Variants in CDKAL1 observed in about 807,000 individuals in gnomAD.
CDKAL1 encodes threonylcarbamoyladenosine tRNA methylthiotransferase.
Under a neutral mutation model 68.2 loss-of-function variants are expected in CDKAL1, and 32 were observed. That is an observed-to-expected ratio of 0.47 (90% confidence interval 0.35 to 0.63). CDKAL1 has a LOEUF of 0.63. Ranked by LOEUF, CDKAL1 falls within the 30% of genes least tolerant of loss-of-function variation. CDKAL1 has a pLI of 0.00. For synonymous variants in CDKAL1, 234 were observed against 244.3 expected (o/e 0.96, Z 0.39); for missense variants, 606 against 696.7 (o/e 0.87, Z 1.47).
intron 13 of CDKAL1, among the ~76,000 whole-genome samples, chr6:21,119,542 C>T (rs182127168): frequency 1.2e-3 from 184 of 152,260 alleles, no homozygotes; most frequent in Non-Finnish European, 2.2e-3. Flanking sequence ...AATAGGTTTT[C>T]GCTTCTAAAA....
At chr6:21,027,354 T>C (rs986721804) in intron 11 of CDKAL1, among the ~76,000 whole-genome samples, 2 of 152,208 alleles carry the variant, frequency 1.3e-5, no homozygotes, top group Admixed American at 6.5e-5. Context: ...CTCTCCTCCT[T>C]ATCAGCCCCA....
intron 11 of CDKAL1, among the ~76,000 whole-genome samples, chr6:21,005,728 G>T (rs1327740014): frequency 5.3e-5 from 8 of 152,106 alleles, no homozygotes; most frequent in African/African-American, 1.4e-4. Context: ...GCACTTCAGG[G>T]TTAATTTCCC....
At chr6:21,166,592 C>T (rs1294689661) in intron 13 of CDKAL1, among the ~76,000 whole-genome samples, 2 of 152,142 alleles carry the variant, frequency 1.3e-5, no homozygotes, top group African/African-American at 4.8e-5. Context: ...TGCTAGCCAT[C>T]AACCAATCCA....
intron 9 of CDKAL1, among the ~76,000 whole-genome samples, chr6:20,934,105 G>C (rs1763593380): frequency 6.6e-6 from 1 of 152,106 alleles, no homozygotes; most frequent in Non-Finnish European, 1.5e-5. Context: ...ACAGCTTTGA[G>C]GGCTCAAGAG....
chr6:20,986,462 A>T (rs756953906), intron 10 of CDKAL1, among the ~76,000 whole-genome samples: 1 of 152,150 alleles, frequency 6.6e-6, no homozygotes. Context: ...TAGAGAAAAA[A>T]TGTATATTTT....
chr6:20,744,603 G>A (rs949917190), intron 6 of CDKAL1, among the ~76,000 whole-genome samples: 4 of 152,078 alleles, frequency 2.6e-5, no homozygotes, highest in Non-Finnish European at 1.5e-5. Context: ...CAATTAGTTG[G>A]GAATTTCTCT....
chr6:20,779,022 GA>G (rs1264723315), intron 7 of CDKAL1, among the ~76,000 whole-genome samples: 1 of 152,188 alleles, frequency 6.6e-6, no homozygotes, highest in Non-Finnish European at 1.5e-5. Context: ...ACATTTGGCT[GA>G]TAATCACATG....
chr6:21,162,016 G>A (rs910598581), intron 13 of CDKAL1, among the ~76,000 whole-genome samples: 6 of 152,116 alleles, frequency 3.9e-5, no homozygotes, highest in Admixed American at 3.9e-4. Context: ...TAATACAGAC[G>A]CTGCTTACAT....
chr6:21,090,988 G>T (rs895703744), intron 12 of CDKAL1, among the ~76,000 whole-genome samples: 1 of 151,548 alleles, frequency 6.6e-6, no homozygotes, highest in East Asian at 1.9e-4. Context: ...GTAGAGACAG[G>T]GTCTTACACT....
intron 5 of CDKAL1, among the ~76,000 whole-genome samples, chr6:20,681,022 G>A (rs1230246727): frequency 6.6e-6 from 1 of 152,202 alleles, no homozygotes; most frequent in Non-Finnish European, 1.5e-5. Context: ...ATCAGTATAT[G>A]TGAACAATGA....
intron 10 of CDKAL1, among the ~76,000 whole-genome samples, chr6:20,972,429 G>A: frequency 6.6e-6 from 1 of 152,132 alleles, no homozygotes; most frequent in East Asian, 1.9e-4. Flanking sequence ...TCTTCTTTTA[G>A]ACACTCAGTT....
chr6:20,848,287 T>TTTTTTGTTTGTTTG (rs1554130326), intron 9 of CDKAL1, among the ~76,000 whole-genome samples: 26 of 59,272 alleles, frequency 4.4e-4, no homozygotes, highest in Non-Finnish European at 6.9e-4. Flanking sequence ...TTGTTTTTTT[T>TTTTTTGTTTGTTTG]TTTTTTCCAA....
chr6:20,807,286 C>T (rs140046732), intron 8 of CDKAL1, among the ~76,000 whole-genome samples: 3,652 of 151,962 alleles, frequency 0.024, 62 homozygotes, highest in Non-Finnish European at 0.034. Flanking sequence ...TGCAGTGGCA[C>T]GATCTTGGCT....
At chr6:20,640,063 A>G (rs1409093581) in intron 4 of CDKAL1, among the ~76,000 whole-genome samples, 3 of 152,214 alleles carry the variant, frequency 2.0e-5, no homozygotes, top group Admixed American at 1.3e-4. Flanking sequence ...AGTTTTTAGT[A>G]GGCAGTCAAT....
At chr6:21,125,409 A>G (rs142559997) in intron 13 of CDKAL1, among the ~76,000 whole-genome samples, 1,765 of 152,316 alleles carry the variant, frequency 0.012, 43 homozygotes, top group African/African-American at 0.039. Context: ...ACAGTGGCTC[A>G]CACCTATAAT....
chr6:21,224,733 A>T (rs537310300), intron 15 of CDKAL1, among the ~76,000 whole-genome samples: 2 of 152,290 alleles, frequency 1.3e-5, no homozygotes, highest in African/African-American at 4.8e-5. Context: ...GAATAAATGC[A>T]TATTGCTTCA....
chr6:20,852,480 C>T (rs886192460), intron 9 of CDKAL1, among the ~76,000 whole-genome samples: 3 of 151,952 alleles, frequency 2.0e-5, no homozygotes, highest in African/African-American at 7.2e-5. Context: ...CTTGCAAAAC[C>T]CAAAAATATA....
At chr6:20,769,863 T>C (rs1258046319) in intron 7 of CDKAL1, among the ~76,000 whole-genome samples, 1 of 152,218 alleles carries the variant, frequency 6.6e-6, no homozygotes, top group Non-Finnish European at 1.5e-5. Flanking sequence ...CAGTGTACTA[T>C]AATTTGAAAC....
chr6:20,976,760 A>G (rs1765864422), intron 10 of CDKAL1, among the ~76,000 whole-genome samples: 1 of 152,182 alleles, frequency 6.6e-6, no homozygotes, highest in Non-Finnish European at 1.5e-5. Context: ...TTCATACAGT[A>G]TGTACTCTTT....
Sources: gnomAD v4.1 joint callset for allele counts (sites outside exome capture counted in the v4.1 genomes callset) on GRCh38, gnomAD v4.1.1 for gene constraint, MANE v1.5 for transcripts, NCBI Gene and HGNC (gene_info 2026-07-23, HGNC 2026-07-21) for gene names.